Variants in KIAA1549L observed in about 807,000 individuals in gnomAD.
The protein encoded by KIAA1549L is KIAA1549 like.
A neutral mutation model predicts 160.7 loss-of-function variants in KIAA1549L; 88 were observed. The observed-to-expected ratio is 0.55, with a 90% confidence interval of 0.46 to 0.65. KIAA1549L has a LOEUF of 0.65. KIAA1549L is among the 30% of genes least tolerant of loss of function. KIAA1549L has a pLI of 0.00. For missense variants in KIAA1549L, 2,258 were observed against 2,437.5 expected (o/e 0.93, Z 1.55); for synonymous variants, 950 against 976.7 (o/e 0.97, Z 0.51).
At chr11:33,638,105 G>A (rs978858795) in intron 16 of KIAA1549L, among the ~76,000 whole-genome samples, 2 of 152,118 alleles carry the variant, frequency 1.3e-5, no homozygotes, top group Non-Finnish European at 2.9e-5. Context: ...GTTTCTTTTA[G>A]TATGGGAAAA....
chr11:33,603,804 CAA>C (rs1197577650), intron 13 of KIAA1549L, among the ~76,000 whole-genome samples: 16 of 133,460 alleles, frequency 1.2e-4, no homozygotes, highest in Admixed American at 2.3e-4. Flanking sequence ...AAGACTCCAC[CAA>C]AAAAAAAAAA....
At chr11:33,530,426 AAAAAAAAAAAATATAT>A (rs1365245506) in intron 1 of KIAA1549L, among the ~76,000 whole-genome samples, 28 of 65,490 alleles carry the variant, frequency 4.3e-4, no homozygotes, top group African/African-American at 2.0e-3. Context: ...AAAAAAAAAA[AAAAAAAAAAAATATAT>A]ATATATATAT....
chr11:33,567,038 C>G (rs1320426426), intron 8 of KIAA1549L, among the ~76,000 whole-genome samples: 1 of 152,084 alleles, frequency 6.6e-6, no homozygotes, highest in Non-Finnish European at 1.5e-5. Context: ...TGAGGGTAGA[C>G]AGAAAAAGGG....
intron 1 of KIAA1549L, among the ~76,000 whole-genome samples, chr11:33,412,199 T>C (rs986792408): frequency 6.6e-6 from 1 of 152,228 alleles, no homozygotes; most frequent in African/African-American, 2.4e-5. Flanking sequence ...CGGTGATGCT[T>C]AAATCAGCTA....
At chr11:33,461,176 A>C (rs1851934311) in intron 1 of KIAA1549L, among the ~76,000 whole-genome samples, 1 of 151,102 alleles carries the variant, frequency 6.6e-6, no homozygotes, top group Non-Finnish European at 1.5e-5. Flanking sequence ...GTAACAAAAA[A>C]AAATATTTTT....
chr11:33,426,487 TC>T (rs1435253152), intron 1 of KIAA1549L, among the ~76,000 whole-genome samples: 1 of 152,112 alleles, frequency 6.6e-6, no homozygotes, highest in Admixed American at 6.5e-5. Context: ...CTCTTTGAGA[TC>T]CCCAGAGGCC....
At chr11:33,384,242 T>C (rs916665299) in intron 1 of KIAA1549L, among the ~76,000 whole-genome samples, 1 of 152,258 alleles carries the variant, frequency 6.6e-6, no homozygotes, top group African/African-American at 2.4e-5. Flanking sequence ...TATAACATTT[T>C]GCATTTGGCT....
At position 33,668,038 on chromosome 11, in the gene KIAA1549L, G is replaced by A. The variant is rs759039531; in HGVS notation, c.6325G>A (p.Asp2109Asn). Residue 2109 changes from aspartate to asparagine, a missense_variant, in exon 21 of 21, where the codon GAC becomes AAC. Transcript: ENST00000658780. Reference protein sequence around the residue: ...AASQQSLAENDPSDAPLTNIS... With the variant: ...AASQQSLAENNPSDAPLTNIS... ...CTCGCAGCAGAGCCTGGCAGAAAAC[G>A]ACCCGTCTGACGCTCCCCTGACCAA... is the stretch of plus-strand genomic sequence containing the variant. 5.6e-6 allele frequency: 9 copies of A among 1,613,884 alleles called. No individual in the cohort carries two copies. Among genetic ancestry groups the A allele is most frequent in the Admixed American group, 1.7e-5 (1 of 60,008 alleles).
intron 1 of KIAA1549L, among the ~76,000 whole-genome samples, chr11:33,488,329 C>T (rs1274331186): frequency 6.6e-6 from 1 of 152,044 alleles, no homozygotes; most frequent in African/African-American, 2.4e-5. Context: ...CCTCAATTTT[C>T]TTGAAGAAAA....
chr11:33,454,405 A>G (rs556148503), intron 1 of KIAA1549L, among the ~76,000 whole-genome samples: 2 of 152,354 alleles, frequency 1.3e-5, no homozygotes, highest in South Asian at 2.1e-4. Context: ...CCTGACAGTA[A>G]TAGAGCTTGA....
intron 1 of KIAA1549L, among the ~76,000 whole-genome samples, chr11:33,533,091 C>T (rs1030308830): frequency 6.6e-6 from 1 of 152,136 alleles, no homozygotes; most frequent in African/African-American, 2.4e-5. Context: ...TAGCCCTAGG[C>T]CTGATGGGGG....
At chr11:33,423,512 A>C (rs986883012) in intron 1 of KIAA1549L, among the ~76,000 whole-genome samples, 1 of 152,240 alleles carries the variant, frequency 6.6e-6, no homozygotes, top group Non-Finnish European at 1.5e-5. Flanking sequence ...TCATGCCCTC[A>C]TTGAAGAGGA....
chr11:33,403,702 C>T (rs1359895099), intron 1 of KIAA1549L: 2 of 152,226 alleles, frequency 1.3e-5, no homozygotes, highest in Non-Finnish European at 2.9e-5. Flanking sequence ...TTTTCCTCTG[C>T]TTTTCCCTTT....
chr11:33,446,296 T>C (rs1449936526), intron 1 of KIAA1549L, among the ~76,000 whole-genome samples: 2 of 152,156 alleles, frequency 1.3e-5, no homozygotes, highest in African/African-American at 2.4e-5. Context: ...GGTTTCACCA[T>C]GTTGGCCAGG....
chr11:33,493,877 G>A (rs1852754710), intron 1 of KIAA1549L, among the ~76,000 whole-genome samples: 1 of 152,194 alleles, frequency 6.6e-6, no homozygotes, highest in Non-Finnish European at 1.5e-5. Flanking sequence ...AGGGACTGAG[G>A]ATGATTGGAG....
intron 13 of KIAA1549L, among the ~76,000 whole-genome samples, chr11:33,600,601 A>G (rs768003591): frequency 1.6e-4 from 22 of 136,990 alleles, no homozygotes; most frequent in Non-Finnish European, 3.2e-4. Context: ...CTGGAAATTT[A>G]CAAGGTCAAA....
At chr11:33,488,312 C>T (rs1187997885) in intron 1 of KIAA1549L, among the ~76,000 whole-genome samples, 2 of 152,102 alleles carry the variant, frequency 1.3e-5, no homozygotes, top group African/African-American at 2.4e-5. Context: ...TCTACAAGTG[C>T]GCTCCTCCTC....
intron 1 of KIAA1549L, among the ~76,000 whole-genome samples, chr11:33,410,426 A>T (rs1052102086): frequency 6.6e-6 from 1 of 152,182 alleles, no homozygotes; most frequent in African/African-American, 2.4e-5. Context: ...GAAAACCACT[A>T]AAAAAGAGGT....
intron 1 of KIAA1549L, among the ~76,000 whole-genome samples, chr11:33,505,676 T>G (rs2133095730): frequency 6.6e-6 from 1 of 152,346 alleles, no homozygotes; most frequent in East Asian, 1.9e-4. Context: ...GTTTCTTTCT[T>G]TCACCATCTG....
Sources: allele counts gnomAD v4.1 joint callset (sites outside exome capture counted in the v4.1 genomes callset), GRCh38; gene constraint gnomAD v4.1.1; transcripts MANE v1.5; gene names NCBI Gene and HGNC (gene_info 2026-07-23, HGNC 2026-07-21).